The following ARHGAP22 variants were observed in gnomAD, a reference collection of about 807,000 sequenced individuals.
ARHGAP22 encodes rho GTPase-activating protein 22.
In ARHGAP22, 48 loss-of-function variants were observed where a neutral mutation model predicts 59.1. The observed-to-expected ratio is 0.81, with a 90% CI of 0.64 to 1.03. ARHGAP22 has a LOEUF of 1.03. ARHGAP22 is among the 50% of genes least tolerant of loss of function. The pLI is 0.00. For missense variants in ARHGAP22, 1,015 were observed against 958.7 expected (o/e 1.06, Z -0.78); for synonymous variants, 445 against 416.4 (o/e 1.07, Z -0.84).
chr10:48,453,200 G>T (rs2046153459), intron 8 of ARHGAP22, 104 bp downstream of exon 8: 2 of 1,533,530 alleles, frequency 1.3e-6, no homozygotes, highest in Non-Finnish European at 1.8e-6. Context: ...CACCCCTCCT[G>T]CTGGCCTGGC....
chr10:48,591,940 G>T (rs2059782597), intron 1 of ARHGAP22, among the ~76,000 whole-genome samples: 1 of 152,142 alleles, frequency 6.6e-6, no homozygotes, highest in South Asian at 2.1e-4. Context: ...CAATTGTGCT[G>T]CTCACCTCTG....
At chr10:48,469,756 G>A (rs1016628100) in intron 4 of ARHGAP22, among the ~76,000 whole-genome samples, 2 of 152,220 alleles carry the variant, frequency 1.3e-5, no homozygotes, top group Non-Finnish European at 2.9e-5. Flanking sequence ...GCCAGTGTGA[G>A]CTCCCTTCCT....
intron 3 of ARHGAP22, among the ~76,000 whole-genome samples, chr10:48,495,325 G>A (rs538987313): frequency 5.3e-5 from 8 of 152,268 alleles, no homozygotes; most frequent in Middle Eastern, 3.4e-3. Context: ...AAAAGCTTTC[G>A]TGTTTTATCT....
At chr10:48,457,210 G>A (rs11101331) in intron 5 of ARHGAP22, among the ~76,000 whole-genome samples, 42,119 of 151,946 alleles carry the variant, frequency 0.28, 6,389 homozygotes, top group East Asian at 0.68. Flanking sequence ...TGCAGAACAC[G>A]CCATGCCTCC....
chr10:48,571,382 A>T (rs115360457), intron 2 of ARHGAP22, among the ~76,000 whole-genome samples: 410 of 152,304 alleles, frequency 2.7e-3, no homozygotes, highest in African/African-American at 9.3e-3. Context: ...TTATTCAGTT[A>T]TTCCTCCTAT....
At chr10:48,438,008 T>A in the ARHGAP22 span, 1 of 152,266 alleles carries the variant, frequency 6.6e-6, no homozygotes, top group Non-Finnish European at 1.5e-5. Context: ...TGGTTTACAC[T>A]ATTGGCCAGT....
chr10:48,461,657 G>C (rs2047143480), intron 4 of ARHGAP22, among the ~76,000 whole-genome samples: 2 of 152,202 alleles, frequency 1.3e-5, no homozygotes, highest in South Asian at 4.1e-4. Context: ...GATCCATAAA[G>C]CTGTCTACAC....
rs540658934 is a variant in ARHGAP22, at chr10:48,636,369, G to A, written c.52+15865C>T. 2.0e-5 allele frequency among the ~76,000 whole-genome samples: 3 copies of A among 152,300 alleles called. No homozygotes were observed. The South Asian group carries it at 6.2e-4, about 32-fold the overall frequency. On this transcript the variant is annotated intron_variant, in intron 1 of 9. Transcript: ENST00000435790. ...GCTTGGTGCTTGTGCAGGGAGACTG[G>A]GGTGAGCAGGATGGAGGCCTTAGAG...
At chr10:48,462,608 C>T (rs752743375) in intron 4 of ARHGAP22, among the ~76,000 whole-genome samples, 23 of 152,336 alleles carry the variant, frequency 1.5e-4, no homozygotes, top group Non-Finnish European at 2.5e-4. Context: ...TGTGAGGCAT[C>T]CCCCAATCCA....
At chr10:48,530,617 C>A (rs868060228) in intron 3 of ARHGAP22, among the ~76,000 whole-genome samples, 4 of 152,046 alleles carry the variant, frequency 2.6e-5, no homozygotes, top group African/African-American at 9.7e-5. Context: ...AGGACACGAA[C>A]AAACAATTCT....
chr10:48,509,718 G>A (rs2052555524), intron 3 of ARHGAP22, among the ~76,000 whole-genome samples: 1 of 152,166 alleles, frequency 6.6e-6, no homozygotes, highest in South Asian at 2.1e-4. Flanking sequence ...TATTGGAAAG[G>A]AGAGGCTCTC....
chr10:48,532,144 T>C (rs2054907048), intron 3 of ARHGAP22, among the ~76,000 whole-genome samples: 1 of 152,218 alleles, frequency 6.6e-6, no homozygotes. Flanking sequence ...AGATCCAATC[T>C]ACAGGTGAGG....
chr10:48,648,505 G>A (rs1263053440), intron 1 of ARHGAP22, among the ~76,000 whole-genome samples: 1 of 152,202 alleles, frequency 6.6e-6, no homozygotes, highest in Non-Finnish European at 1.5e-5. Context: ...GGCAGCATCA[G>A]CCTGGGTCTT....
chr10:48,612,678 T>C (rs2135980442), intron 1 of ARHGAP22, among the ~76,000 whole-genome samples: 1 of 152,364 alleles, frequency 6.6e-6, no homozygotes, highest in East Asian at 1.9e-4. Context: ...ATTTTTCCAA[T>C]AAATTCTCTT....
intron 3 of ARHGAP22, among the ~76,000 whole-genome samples, chr10:48,482,289 G>A (rs1418851243): frequency 6.6e-6 from 1 of 152,226 alleles, no homozygotes. Context: ...GGGAGAAGGT[G>A]TAATTGAAGT....
At chr10:48,571,664 C>T (rs2058400245) in intron 2 of ARHGAP22, among the ~76,000 whole-genome samples, 1 of 152,190 alleles carries the variant, frequency 6.6e-6, no homozygotes. Context: ...AACTTATTGC[C>T]TACAAAATAG....
chr10:48,511,729 C>T (rs970836152), intron 3 of ARHGAP22: 1 of 152,280 alleles, frequency 6.6e-6, no homozygotes, highest in Admixed American at 6.5e-5. Flanking sequence ...TTGATAATGA[C>T]ATCATTGACT....
intron 3 of ARHGAP22, among the ~76,000 whole-genome samples, chr10:48,535,351 G>A (rs1469467326): frequency 6.6e-6 from 1 of 152,160 alleles, no homozygotes; most frequent in African/African-American, 2.4e-5. Flanking sequence ...AGAGGGAGTG[G>A]GGCTGCTCCA....
rs187657756 is a variant in ARHGAP22, at chr10:48,626,065, A to G, written c.52+26169T>C. Among the ~76,000 whole-genome samples, 209 of 152,272 alleles carry G rather than the reference A, an allele frequency of 1.4e-3. 1 individual carries two copies. The highest frequency in any genetic ancestry group is 4.9e-3 in the African/African-American group (205 of 41,564). ...TGGTAGACTGACTGTAAAAGTCTCCATGAGAGACATGTGGTCCCATCAACC... is the reference window on the plus strand; with the variant it reads ...TGGTAGACTGACTGTAAAAGTCTCCGTGAGAGACATGTGGTCCCATCAACC... On this transcript the variant is annotated intron_variant, in intron 1 of 9. Coordinates refer to the ARHGAP22 transcript ENST00000435790.
Sources: gnomAD v4.1 joint callset for allele counts (sites outside exome capture counted in the v4.1 genomes callset) on GRCh38, gnomAD v4.1.1 for gene constraint, MANE v1.5 for transcripts, NCBI Gene and HGNC (gene_info 2026-07-23, HGNC 2026-07-21) for gene names.